The following FRMD3 variants were observed in gnomAD, a reference collection of about 807,000 sequenced individuals.
FRMD3 encodes FERM domain-containing protein 3.
A neutral mutation model predicts 70.2 loss-of-function variants in FRMD3; 33 were observed. That is an observed-to-expected ratio of 0.47 (90% CI 0.36 to 0.63). The LOEUF is 0.63. FRMD3 is among the 20% of genes least tolerant of loss of function. The probability of loss-of-function intolerance (pLI) is 0.00; values close to 1 mark genes in which losing one functional copy is unlikely to be tolerated. For synonymous variants in FRMD3, 279 were observed against 255.9 expected, an observed-to-expected ratio of 1.09 and a Z score of -0.86; for missense variants, 632 against 711.4, an observed-to-expected ratio of 0.89 and a Z score of 1.27.
At chr9:83,456,789 G>A (rs1827829858) in intron 1 of FRMD3, among the ~76,000 whole-genome samples, 1 of 152,126 alleles carries the variant, frequency 6.6e-6, no homozygotes, top group Admixed American at 6.6e-5. Context: ...AGACCAACCT[G>A]GGCAAAATGG....
chr9:83,437,161 G>A (rs1827159791), intron 1 of FRMD3, among the ~76,000 whole-genome samples: 1 of 152,326 alleles, frequency 6.6e-6, no homozygotes, highest in South Asian at 2.1e-4. Context: ...AACTCGGCTT[G>A]ACTTAATATT....
intron 1 of FRMD3, among the ~76,000 whole-genome samples, chr9:83,534,652 G>A (rs914862031): frequency 6.6e-6 from 1 of 152,148 alleles, no homozygotes; most frequent in Non-Finnish European, 1.5e-5. Context: ...TTGATGCATA[G>A]GCATAATTTG....
intron 1 of FRMD3, among the ~76,000 whole-genome samples, chr9:83,449,207 C>G (rs116447444): frequency 2.6e-5 from 4 of 152,162 alleles, no homozygotes; most frequent in East Asian, 3.8e-4. Context: ...TCCGGTATGT[C>G]GCACCAACAG....
At chr9:83,423,547 AT>A (rs1826704690) in intron 1 of FRMD3, among the ~76,000 whole-genome samples, 1 of 135,310 alleles carries the variant, frequency 7.4e-6, no homozygotes, top group Admixed American at 7.2e-5. Flanking sequence ...TTAAATTTTA[AT>A]TTAAACTTTA....
intron 1 of FRMD3, among the ~76,000 whole-genome samples, chr9:83,460,823 C>T (rs1385379441): frequency 6.6e-6 from 1 of 151,984 alleles, no homozygotes; most frequent in Non-Finnish European, 1.5e-5. Flanking sequence ...AGCAAAGTAT[C>T]CCAATTTTTA....
the FRMD3 span, among the ~76,000 whole-genome samples, chr9:83,573,154 G>A: frequency 6.6e-6 from 1 of 152,192 alleles, no homozygotes; most frequent in East Asian, 1.9e-4. Context: ...TTCAGTTTAG[G>A]TCAATAAACA....
chr9:83,308,482 A>T (rs1256498879), intron 10 of FRMD3, among the ~76,000 whole-genome samples: 1 of 152,176 alleles, frequency 6.6e-6, no homozygotes, highest in Non-Finnish European at 1.5e-5. Context: ...AATCAGGAAG[A>T]CAGAATCTCA....
intron 1 of FRMD3, among the ~76,000 whole-genome samples, chr9:83,495,686 T>A (rs777325177): frequency 1.3e-5 from 2 of 152,212 alleles, no homozygotes. Flanking sequence ...ATGATAGGTA[T>A]AGTAAGCATC....
upstream of FRMD3, among the ~76,000 whole-genome samples, chr9:83,540,925 T>C (rs1047883349): frequency 5.3e-5 from 8 of 152,226 alleles, no homozygotes; most frequent in African/African-American, 1.9e-4. Flanking sequence ...CAAGATTTTA[T>C]AATTATCAGC....
At chr9:83,445,629 T>A (rs779414213) in intron 1 of FRMD3, among the ~76,000 whole-genome samples, 11 of 152,324 alleles carry the variant, frequency 7.2e-5, no homozygotes, top group South Asian at 6.2e-4. Context: ...TTTATTATGA[T>A]CTTGTTTAAT....
chr9:83,387,796 C>T (rs1040933210), intron 2 of FRMD3, among the ~76,000 whole-genome samples: 1 of 152,140 alleles, frequency 6.6e-6, no homozygotes, highest in African/African-American at 2.4e-5. Context: ...ATCATGGTCC[C>T]CAGACCAAAG....
At chr9:83,396,656 GA>G (rs1396193233) in intron 1 of FRMD3, among the ~76,000 whole-genome samples, 1 of 152,220 alleles carries the variant, frequency 6.6e-6, no homozygotes, top group Non-Finnish European at 1.5e-5. Context: ...AGAGCTTCGA[GA>G]AGAGACTTGC....
intron 1 of FRMD3, among the ~76,000 whole-genome samples, chr9:83,508,688 T>C (rs1216140273): frequency 6.6e-6 from 1 of 152,108 alleles, no homozygotes; most frequent in African/African-American, 2.4e-5. Context: ...CCACAGTGCC[T>C]GGTTTCTCAC....
At chr9:83,535,679 G>C (rs1829877423) in intron 1 of FRMD3, among the ~76,000 whole-genome samples, 2 of 151,846 alleles carry the variant, frequency 1.3e-5, no homozygotes, top group African/African-American at 4.8e-5. Flanking sequence ...TGTGGCCCAA[G>C]ACAATTCTTC....
At chr9:83,362,976 CTCCT>C (rs903978325) in intron 3 of FRMD3, among the ~76,000 whole-genome samples, 5 of 145,138 alleles carry the variant, frequency 3.4e-5, no homozygotes, top group East Asian at 4.1e-4. Context: ...CCTTTCCTCC[CTCCT>C]TCCTTCCTTT....
At chr9:83,347,684 G>T (rs141676489) in intron 4 of FRMD3, among the ~76,000 whole-genome samples, 1 of 151,986 alleles carries the variant, frequency 6.6e-6, no homozygotes, top group Non-Finnish European at 1.5e-5. Flanking sequence ...GAATATGATC[G>T]TAACTTCTCA....
At chr9:83,466,438 G>A (rs551072780) in intron 1 of FRMD3, among the ~76,000 whole-genome samples, 70 of 152,244 alleles carry the variant, frequency 4.6e-4, no homozygotes, top group Non-Finnish European at 7.5e-4. Context: ...CCACGATCTC[G>A]CTAAGCCCAA....
chr9:83,470,355 C>G (rs756978437), intron 1 of FRMD3, among the ~76,000 whole-genome samples: 3 of 151,922 alleles, frequency 2.0e-5, no homozygotes, highest in African/African-American at 4.8e-5. Flanking sequence ...AGTCCTCACC[C>G]TGCCATTTTC....
At chr9:83,403,496 T>C (rs1431213369) in intron 1 of FRMD3, among the ~76,000 whole-genome samples, 1 of 152,076 alleles carries the variant, frequency 6.6e-6, no homozygotes, top group Non-Finnish European at 1.5e-5. Flanking sequence ...GGTAGGATCC[T>C]GAGAAGGTTG....
Sources: gnomAD v4.1 joint callset for allele counts (sites outside exome capture counted in the v4.1 genomes callset) on GRCh38, gnomAD v4.1.1 for gene constraint, MANE v1.5 for transcripts, NCBI Gene and HGNC (gene_info 2026-07-23, HGNC 2026-07-21) for gene names.